Variants in NCOA3 observed in about 807,000 individuals in gnomAD.
NCOA3 encodes the protein CBP-interacting protein.
A neutral mutation model predicts 158.8 loss-of-function variants in NCOA3; 51 were observed. That is an observed-to-expected ratio of 0.32 (90% CI 0.26 to 0.41). The LOEUF is 0.41. Ranked by LOEUF, NCOA3 falls within the 10% of genes least tolerant of loss-of-function variation. The probability of loss-of-function intolerance (pLI) is 1.00; values close to 1 mark genes in which losing one functional copy is unlikely to be tolerated. For missense variants in NCOA3, 1,510 were observed against 1,746.6 expected, an observed-to-expected ratio of 0.86 and a Z score of 2.41; for synonymous variants, 537 against 592.4, an observed-to-expected ratio of 0.91 and a Z score of 1.36.
At chr20:47,649,322 A>C (rs1267490550) in intron 19 of NCOA3, among the ~76,000 whole-genome samples, 4 of 152,212 alleles carry the variant, frequency 2.6e-5, no homozygotes, top group African/African-American at 9.7e-5. Context: ...TTCTTCATTA[A>C]AACCATCGAT....
At chr20:47,568,794 T>C (rs551702331) in intron 1 of NCOA3, among the ~76,000 whole-genome samples, 1 of 146,866 alleles carries the variant, frequency 6.8e-6, no homozygotes, top group African/African-American at 2.6e-5. Context: ...AGACTCTGTC[T>C]CAAAAAAAAA....
intron 1 of NCOA3, among the ~76,000 whole-genome samples, chr20:47,561,904 C>T (rs1330241425): frequency 6.6e-6 from 1 of 152,100 alleles, no homozygotes; most frequent in Non-Finnish European, 1.5e-5. Context: ...AAAATCTATG[C>T]CCCACCTATT....
rs779494157 is a variant in NCOA3 at position 47,651,145 on chromosome 20, A to T, written c.3815A>T (p.Gln1272Leu). The T allele has an allele frequency of 9.9e-6, 16 of 1,613,926 alleles. No homozygotes were observed. The Admixed American group carries it at 1.7e-4, about 17-fold the overall frequency. The change falls in exon 20 of 23, where the codon CAG (glutamine) becomes CTG (leucine). Residue 1272 changes from glutamine (Q) to leucine (L), a missense_variant. Gln to Leu is a moderately radical substitution (Grantham distance 113). Transcript: ENST00000371998. Reference sequence around the variant, plus strand: ...CAACAGCAACAGCAACAGCAACAGCAGCAACAGCAGCAAACCCAGGCCTTC... The same window carrying T: ...CAACAGCAACAGCAACAGCAACAGCTGCAACAGCAGCAAACCCAGGCCTTC... ...QQQQQQQQQQ[Q>L]QQQQTQAFSP...
chr20:47,640,114 GAGCA>G, intron 16 of NCOA3, 63 bp downstream of exon 16: 1 of 1,600,786 alleles, frequency 6.2e-7, no homozygotes, highest in Non-Finnish European at 8.6e-7. Context: ...AAAAGAGTTG[GAGCA>G]CAGAAGCAAA....
At chr20:47,520,129 G>A (rs2084304484) in intron 1 of NCOA3, among the ~76,000 whole-genome samples, 1 of 151,074 alleles carries the variant, frequency 6.6e-6, no homozygotes, top group Non-Finnish European at 1.5e-5. Flanking sequence ...GTGCTTTCGG[G>A]CTACACCCTT....
intron 1 of NCOA3, among the ~76,000 whole-genome samples, chr20:47,540,340 G>T (rs72661195): frequency 2.6e-5 from 4 of 152,056 alleles, no homozygotes; most frequent in Non-Finnish European, 5.9e-5. Flanking sequence ...TTGGGAGGCC[G>T]ATGAGGGTGG....
chr20:47,510,316 C>T (rs940902190), intron 1 of NCOA3, among the ~76,000 whole-genome samples: 1 of 150,152 alleles, frequency 6.7e-6, no homozygotes, highest in South Asian at 2.1e-4. Flanking sequence ...GCCTGTAATC[C>T]CAGCTACTCA....
intron 1 of NCOA3, among the ~76,000 whole-genome samples, chr20:47,534,892 G>A (rs1203674222): frequency 6.6e-6 from 1 of 151,936 alleles, no homozygotes; most frequent in Non-Finnish European, 1.5e-5. Context: ...TATAGCGTGG[G>A]TGACAGAGTG....
At position 47,635,539 on chromosome 20, in the gene NCOA3, C is replaced by T. The variant is rs563854307; in HGVS notation, c.1330C>T (p.Pro444Ser). ...GGSSNIASLTPGPGMQSPSSY... is the reference protein window; with the variant it reads ...GGSSNIASLTSGPGMQSPSSY... ...TTCCAGTAACATAGCTTCATTGACC[C>T]CTGGGCCAGGCATGCAATCACCATC... Residue 444 changes from proline (P) to serine (S), a missense_variant, in exon 11 of 23, where the codon CCT becomes TCT. This residue lies in a region of NCOA3 where 1,017 missense variants were observed against 1,098.3 expected (regional missense o/e 0.93). Coordinates refer to ENST00000371998, the MANE Select transcript of NCOA3 (RefSeq NM_181659.3). 1.1e-5 allele frequency: 17 copies of T among 1,614,090 alleles called. No individual in the cohort carries two copies. The South Asian group carries it at 1.5e-4, about 15-fold the overall frequency.
intron 1 of NCOA3, among the ~76,000 whole-genome samples, chr20:47,543,209 C>CAG (rs1292231234): frequency 1.3e-5 from 2 of 152,076 alleles, no homozygotes; most frequent in Non-Finnish European, 2.9e-5. Context: ...AGCTAGTGAT[C>CAG]AGAGAGAAGG....
At chr20:47,514,439 G>T (rs1471721936) in intron 1 of NCOA3, among the ~76,000 whole-genome samples, 7 of 152,074 alleles carry the variant, frequency 4.6e-5, no homozygotes, top group Admixed American at 1.3e-4. Flanking sequence ...CCAGGCTGCA[G>T]TGCAGTGGTA....
At chr20:47,612,268 A>G (rs1209372841) in intron 2 of NCOA3, among the ~76,000 whole-genome samples, 1 of 152,202 alleles carries the variant, frequency 6.6e-6, no homozygotes, top group Non-Finnish European at 1.5e-5. Flanking sequence ...TAGTTAAAAA[A>G]AAAATTTGTA....
At chr20:47,587,724 T>C (rs908164424) in intron 2 of NCOA3, among the ~76,000 whole-genome samples, 2 of 152,304 alleles carry the variant, frequency 1.3e-5, no homozygotes, top group African/African-American at 4.8e-5. Context: ...TTTTTGAGTA[T>C]TTTTGATCCA....
intron 17 of NCOA3, among the ~76,000 whole-genome samples, chr20:47,644,671 G>A (rs2086660409): frequency 6.6e-6 from 1 of 151,948 alleles, no homozygotes; most frequent in African/African-American, 2.4e-5. Context: ...ACTAGCCCTA[G>A]CCCTTTTATT....
intron 2 of NCOA3, among the ~76,000 whole-genome samples, chr20:47,621,655 T>A (rs1415894404): frequency 8.9e-5 from 6 of 67,468 alleles, no homozygotes; most frequent in South Asian, 4.4e-4. Flanking sequence ...ATCAGTCAAA[T>A]TTTTTTTTTT....
intron 1 of NCOA3, among the ~76,000 whole-genome samples, chr20:47,551,701 A>C (rs950941750): frequency 6.6e-6 from 1 of 152,164 alleles, no homozygotes; most frequent in African/African-American, 2.4e-5. Flanking sequence ...TTAAACATGT[A>C]TTTTTTAAAA....
In NCOA3 at chr20:47,515,028, TA is replaced by T. The variant is rs60100539; in HGVS notation, c.-99+13021del. On this transcript the variant is annotated intron_variant, in intron 1 of 22. Coordinates refer to ENST00000371998, the MANE Select transcript of NCOA3 (RefSeq NM_181659.3). Reference sequence around the variant, plus strand: ...GTTTTGTATAAGATTTCATTTGTGTTAAAAAAAAAAAATTCTACAGCAAAAG... The same window carrying T: ...GTTTTGTATAAGATTTCATTTGTGTTAAAAAAAAAAATTCTACAGCAAAAG... Among the ~76,000 whole-genome samples, 744 of 145,240 alleles carry T rather than the reference TA, an allele frequency of 5.1e-3. 3 individuals are homozygous for T. The highest frequency in any genetic ancestry group is 0.015 in the African/African-American group (578 of 39,810).
chr20:47,646,853 C>G (rs1254369246), intron 17 of NCOA3, among the ~76,000 whole-genome samples: 1 of 152,176 alleles, frequency 6.6e-6, no homozygotes, highest in Non-Finnish European at 1.5e-5. Flanking sequence ...GCAGGTTGTT[C>G]TCTTCTTCAG....
intron 1 of NCOA3, among the ~76,000 whole-genome samples, chr20:47,582,820 A>T (rs2085474607): frequency 6.6e-6 from 1 of 152,078 alleles, no homozygotes; most frequent in African/African-American, 2.4e-5. Flanking sequence ...TTTGAGAGAG[A>T]ATCTCGCTCT....
Sources: gnomAD v4.1 joint callset for allele counts (sites outside exome capture counted in the v4.1 genomes callset) on GRCh38, gnomAD v4.1.1 for gene constraint, gnomAD v4.1.1 regional missense constraint, MANE v1.5 for transcripts, NCBI Gene and HGNC (gene_info 2026-07-23, HGNC 2026-07-21) for gene names.